The following MTAP variants were observed in gnomAD, a reference collection of about 807,000 sequenced individuals.
MTAP encodes methylthioadenosine phosphorylase, also known as S-methyl-5'-thioadenosine phosphorylase.
MTAP carries 33 observed loss-of-function variants against 33.6 expected under a neutral mutation model. The observed-to-expected ratio is 0.98, with a 90% CI of 0.74 to 1.31. The LOEUF is 1.31. Ranked by LOEUF, MTAP falls within the 40% of genes most tolerant of loss-of-function variation. The probability of loss-of-function intolerance (pLI) is 0.00; values close to 1 mark genes in which losing one functional copy is unlikely to be tolerated. For synonymous variants in MTAP, 148 were observed against 125.7 expected, an observed-to-expected ratio of 1.18 and a Z score of -1.19; for missense variants, 367 against 360.0, an observed-to-expected ratio of 1.02 and a Z score of -0.16.
chr9:21,922,366 A>G lies in MTAP; in HGVS notation c.148-8642A>G, dbSNP rs1818800838. Among the ~76,000 whole-genome samples the G allele has an allele frequency of 6.6e-6, 1 of 151,972 alleles. No individual in the cohort carries two copies. Among genetic ancestry groups the G allele is most frequent in the Non-Finnish European group, 1.5e-5 (1 of 67,988 alleles). On this transcript the variant is annotated intron_variant, in intron 1 of 1. Coordinates refer to the MTAP transcript ENST00000577563. The surrounding 1 kb of genome is among the most constrained non-coding windows in gnomAD (Gnocchi z 4.8). ...TGCCAACATATAAAACCCCAAGTCAAAGGTCAAACAGGGCACTTGGATTTC... is the reference window on the plus strand; with the variant it reads ...TGCCAACATATAAAACCCCAAGTCAGAGGTCAAACAGGGCACTTGGATTTC...
At chr9:21,896,285 G>A (rs1818291922) in intron 1 of MTAP, among the ~76,000 whole-genome samples, 2 of 151,988 alleles carry the variant, frequency 1.3e-5, no homozygotes, top group Admixed American at 6.6e-5. Flanking sequence ...AGAGAAAGCA[G>A]GAAAGATCTA....
At chr9:21,929,887 T>C in intron 1 of MTAP, 1 of 347,758 alleles carries the variant, frequency 2.9e-6, no homozygotes, top group South Asian at 3.1e-5. Flanking sequence ...CCAGTATAGC[T>C]TGTAATGTTA....
intron 1 of MTAP, among the ~76,000 whole-genome samples, chr9:21,812,828 A>G (rs765956825): frequency 3.9e-5 from 6 of 152,238 alleles, no homozygotes; most frequent in Non-Finnish European, 7.3e-5. Context: ...GGCACATCAT[A>G]GTGGTTAAGC....
intron 1 of MTAP, among the ~76,000 whole-genome samples, chr9:21,894,443 GA>G (rs888500807): frequency 4.0e-5 from 6 of 151,292 alleles, no homozygotes; most frequent in Non-Finnish European, 8.8e-5. Flanking sequence ...TTTCCAAATA[GA>G]AAAAAAAGAA....
intron 1 of MTAP, among the ~76,000 whole-genome samples, chr9:21,906,485 A>G (rs932887938): frequency 6.6e-6 from 1 of 152,088 alleles, no homozygotes. Context: ...GAGGGGAGAG[A>G]GGAGGAGAGC....
At chr9:21,825,947 G>GA (rs11413781) in intron 4 of MTAP, among the ~76,000 whole-genome samples, 28,051 of 152,026 alleles carry the variant, frequency 0.18, 3,191 homozygotes, top group East Asian at 0.33. Context: ...TTCTTTTGAG[G>GA]AATGTCTATT....
At position 21,812,115 on chromosome 9, in the gene MTAP, T is replaced by A. The variant is rs542504271; in HGVS notation, c.34-3318T>A. ...CTCACGCACCATGAGGGCCCAGTAC[T>A]GCTGGTTGTCCCAGCTGGTCAGCAG... On this transcript the variant is annotated intron_variant, in intron 1 of 7. Coordinates refer to ENST00000644715, the MANE Select transcript of MTAP (RefSeq NM_002451.4). 4.3e-4 allele frequency: 87 copies of A among 201,494 alleles called. No individual in the cohort carries two copies. In the South Asian group the frequency reaches 7.0e-3, roughly 16 times the overall value. 12.5% of individuals were successfully genotyped at this position (201,494 alleles called of 1,614,324 possible). A position where few individuals can be genotyped will look rare whatever the true frequency, so the allele number is the denominator to read the frequency against.
Position 21,915,010 on chromosome 9 carries a change from TCCTTCCTTCCTTCCTTCCTTC to T in MTAP, c.148-15996_148-15976del, listed in dbSNP as rs1563869345. On this transcript the variant is annotated intron_variant, in intron 1 of 1. Transcript: ENST00000577563. Reference sequence around the variant, plus strand: ...CAATACTTTGTTTTCTTTCCTTCCTTCCTTCCTTCCTTCCTTCCTTCCTTCCTTCCTTCCTTCCTTCCTTCC... The same window carrying T: ...CAATACTTTGTTTTCTTTCCTTCCTTCTTCCTTCCTTCCTTCCTTCCTTCC... Among the ~76,000 whole-genome samples the T allele has an allele frequency of 1.0e-3, 75 of 74,456 alleles. 6 individuals carry two copies. Among genetic ancestry groups the T allele is most frequent in the African/African-American group, 5.3e-3 (65 of 12,230 alleles). 48.8% of individuals were successfully genotyped at this position (74,456 alleles called of 152,430 possible).
chr9:21,909,352 A>G (rs1350741778), intron 1 of MTAP, among the ~76,000 whole-genome samples: 2 of 152,132 alleles, frequency 1.3e-5, no homozygotes, highest in Non-Finnish European at 2.9e-5. Context: ...TTAAGGAATA[A>G]GAGAAATATC....
At chr9:21,829,071 T>C (rs1824896824) in intron 4 of MTAP, among the ~76,000 whole-genome samples, 1 of 152,238 alleles carries the variant, frequency 6.6e-6, no homozygotes, top group South Asian at 2.1e-4. Context: ...TCTATGTGTT[T>C]TACTGATAGC....
At chr9:21,841,740 A>G (rs1825251427) in intron 5 of MTAP, among the ~76,000 whole-genome samples, 1 of 152,246 alleles carries the variant, frequency 6.6e-6, no homozygotes, top group South Asian at 2.1e-4. Flanking sequence ...AGAGCACCAC[A>G]TCAAGGGATC....
intron 1 of MTAP, among the ~76,000 whole-genome samples, chr9:21,874,458 T>C (rs1458295802): frequency 6.6e-6 from 1 of 152,194 alleles, no homozygotes; most frequent in East Asian, 1.9e-4. Context: ...TTAATACATA[T>C]TTTGTGTTTC....
intron 1 of MTAP, among the ~76,000 whole-genome samples, chr9:21,918,912 G>GTT (rs761438828): frequency 6.6e-6 from 1 of 152,046 alleles, no homozygotes; most frequent in Non-Finnish European, 1.5e-5. Context: ...TATTAGCAGC[G>GTT]TGAGAACAGA....
At chr9:21,820,734 A>T (rs1453150235) in intron 4 of MTAP, among the ~76,000 whole-genome samples, 3 of 152,134 alleles carry the variant, frequency 2.0e-5, no homozygotes. Context: ...CATTTTCATG[A>T]TATTGATTCT....
rs146239118 is a variant in MTAP at position 21,847,703 on chromosome 9, A to G, written c.451-6928A>G. On this transcript the variant is annotated intron_variant, in intron 5 of 7. Transcript: ENST00000644715. ...GTGGACAAAGTGATGAAAGAAAATA[A>G]TGAACTCAGGGATTGTATCTCCCAG... 5.1e-3 allele frequency among the ~76,000 whole-genome samples: 774 copies of G among 152,302 alleles called. 3 individuals carry two copies. The highest frequency in any genetic ancestry group is 0.018 in the African/African-American group (732 of 41,554).
intron 5 of MTAP, among the ~76,000 whole-genome samples, chr9:21,843,613 T>A (rs1825304989): frequency 6.6e-6 from 1 of 152,146 alleles, no homozygotes; most frequent in Admixed American, 6.5e-5. Flanking sequence ...ACTATACAAA[T>A]ACTTGGAAAT....
intron 1 of MTAP, among the ~76,000 whole-genome samples, chr9:21,917,625 A>G (rs1818711923): frequency 6.6e-6 from 1 of 152,232 alleles, no homozygotes; most frequent in Admixed American, 6.5e-5. Context: ...CAAAGGGAAC[A>G]TCTTTACATT....
Position 21,818,167 on chromosome 9 carries a change from C to T in MTAP, c.312C>T (p.Pro104=), listed in dbSNP as rs144006421. 955 of 1,613,800 alleles carry T rather than the reference C, an allele frequency of 5.9e-4. 4 individuals are homozygous for T. The African/African-American group carries it at 9.2e-3, about 15-fold the overall frequency. Residue 104 remains proline, a synonymous_variant, in exon 4 of 8, where the codon CCC becomes CCT. Transcript: ENST00000644715. ...ACGSLREEIQ[P]GDIVIIDQFI... The stretch of plus-strand genomic sequence containing the variant: ...GCTCCTTGAGGGAGGAGATTCAGCC[C>T]GGCGATATTGTCATTATTGATCAGT...
Position 21,865,189 on chromosome 9 carries a change from C to A in MTAP, c.*3175C>A. On this transcript the variant is annotated 3_prime_UTR_variant, in exon 8 of 8. Coordinates refer to ENST00000644715, the MANE Select transcript of MTAP (RefSeq NM_002451.4). Reference sequence around the variant, plus strand: ...AATTAAATCATGGGGGTGGTTACCCCCACACTGCTGTTCTCATGATACTGA... The same window carrying A: ...AATTAAATCATGGGGGTGGTTACCCACACACTGCTGTTCTCATGATACTGA... The A allele has an allele frequency of 1.4e-6, 1 of 701,376 alleles. No homozygotes were observed. The highest frequency in any genetic ancestry group is 1.8e-6 in the Non-Finnish European group (1 of 570,628). 43.4% of individuals were successfully genotyped at this position (701,376 alleles called of 1,614,324 possible).
Sources: gnomAD v4.1 joint callset for allele counts (sites outside exome capture counted in the v4.1 genomes callset) on GRCh38, gnomAD v4.1.1 for gene constraint, Gnocchi (gnomAD v3.1) non-coding constraint, MANE v1.5 for transcripts, NCBI Gene and HGNC (gene_info 2026-07-23, HGNC 2026-07-21) for gene names.